CDHR3: variants seen among roughly 807,000 people sequenced by gnomAD.
The protein encoded by CDHR3 is cadherin-related family member 3.
Under a neutral mutation model 86.6 loss-of-function variants are expected in CDHR3, and 79 were observed. The ratio of observed to expected loss-of-function variants is 0.91; its 90% CI spans 0.76 to 1.10. CDHR3 has a LOEUF of 1.10. Among genes scored for constraint, CDHR3 ranks in the 50% least tolerant of loss-of-function variants. The pLI is 0.00. For synonymous variants in CDHR3, 421 were observed against 402.4 expected, an observed-to-expected ratio of 1.05 and a Z score of -0.55; for missense variants, 1,081 against 1,077.6, an observed-to-expected ratio of 1.00 and a Z score of -0.04.
chr7:105,974,709 G>A (rs562840777), intron 1 of CDHR3, 135 bp from the exon 2 acceptor site: 8 of 666,932 alleles, frequency 1.2e-5, no homozygotes, highest in East Asian at 2.7e-5. Context: ...TGGCAAGAGC[G>A]TTTGTTCTCG....
chr7:106,015,015 T>C (rs2115850786), intron 9 of CDHR3, 96 bp from the exon 10 acceptor site: 1 of 986,536 alleles, frequency 1.0e-6, no homozygotes, highest in East Asian at 2.7e-5. Flanking sequence ...GTTTTGCCAA[T>C]TTATATATCC....
At position 106,001,903 on chromosome 7, in the gene CDHR3, G is replaced by A. The variant is rs762540541; in HGVS notation, c.862+293G>A. 7.7e-4 allele frequency among the ~76,000 whole-genome samples: 117 copies of A among 152,270 alleles called. 1 individual carries two copies. Among genetic ancestry groups the A allele is most frequent in the Middle Eastern group, 3.4e-3 (1 of 294 alleles). On this transcript the variant is annotated intron_variant, in intron 7 of 18. Coordinates refer to ENST00000317716, the MANE Select transcript of CDHR3 (RefSeq NM_152750.5). The stretch of plus-strand genomic sequence containing the variant: ...TGACAAGAAAAAAATGTCTGTATAT[G>A]TTTAGTGCAAATGCAGCCAGCCATT...
At chr7:106,029,898 G>A (rs1274265963) in intron 17 of CDHR3, among the ~76,000 whole-genome samples, 5 of 152,180 alleles carry the variant, frequency 3.3e-5, no homozygotes, top group Non-Finnish European at 1.5e-5. Context: ...CTAGAACTAT[G>A]TAATATTAAA....
chr7:106,026,697 T>A lies in CDHR3; in HGVS notation c.2272+2T>A. On this transcript the variant is annotated splice_donor_variant, in intron 16 of 18. Transcript: ENST00000317716. LOFTEE classifies it high-confidence loss of function. ...CCCCCCATAGGACAAAGAAAGGAGG[T>A]ATGTACAGTACCTGTTTCCCTTGTC... 1.9e-6 allele frequency: 3 copies of A among 1,613,770 alleles called. No homozygotes were observed. The highest frequency in any genetic ancestry group is 2.5e-6 in the Non-Finnish European group (3 of 1,179,736).
intron 4 of CDHR3, among the ~76,000 whole-genome samples, chr7:105,989,212 ACCC>A (rs1459704889): frequency 9.6e-5 from 8 of 83,728 alleles, no homozygotes; most frequent in African/African-American, 4.1e-4. Flanking sequence ...TTCTTTGGGT[ACCC>A]ACCCCCCCAC....
At chr7:105,973,829 T>A (rs187014547) in intron 1 of CDHR3, among the ~76,000 whole-genome samples, 1 of 152,178 alleles carries the variant, frequency 6.6e-6, no homozygotes, top group African/African-American at 2.4e-5. Flanking sequence ...TAGCCAGGCA[T>A]GGTGGAGCAC....
At chr7:105,994,883 T>G in intron 5 of CDHR3, 38 bp downstream of exon 5, 1 of 1,509,646 alleles carries the variant, frequency 6.6e-7, no homozygotes, top group South Asian at 1.2e-5. Flanking sequence ...GTACTGTTTA[T>G]CTGAGGGTCA....
intron 8 of CDHR3, among the ~76,000 whole-genome samples, chr7:106,006,874 C>T (rs1262706572): frequency 6.6e-6 from 1 of 152,188 alleles, no homozygotes; most frequent in Non-Finnish European, 1.5e-5. Context: ...GTGGGGACTC[C>T]AATCTCACAT....
At chr7:106,024,686 G>C (rs1202482362) in intron 15 of CDHR3, 124 bp downstream of exon 15, 1 of 978,020 alleles carries the variant, frequency 1.0e-6, no homozygotes, top group Non-Finnish European at 1.5e-6. Context: ...TGGAGTGAAG[G>C]CAGGAAAAGG....
intron 17 of CDHR3, among the ~76,000 whole-genome samples, chr7:106,029,677 T>C (rs1283736179): frequency 6.6e-6 from 1 of 152,082 alleles, no homozygotes; most frequent in Non-Finnish European, 1.5e-5. Context: ...GGCTTTGTCA[T>C]GGTCCAAGCT....
At chr7:105,994,327 C>T (rs901215991) in intron 4 of CDHR3, among the ~76,000 whole-genome samples, 1 of 151,746 alleles carries the variant, frequency 6.6e-6, no homozygotes, top group Admixed American at 6.6e-5. Context: ...AGGTATAGTC[C>T]TATTACCTAG....
intron 5 of CDHR3, among the ~76,000 whole-genome samples, chr7:105,995,050 A>G (rs1476045073): frequency 6.6e-6 from 1 of 152,238 alleles, no homozygotes; most frequent in African/African-American, 2.4e-5. Flanking sequence ...TGGTCTCCAG[A>G]GAACAAGAAT....
intron 6 of CDHR3, among the ~76,000 whole-genome samples, chr7:106,000,793 C>G (rs1276776770): frequency 6.6e-6 from 1 of 151,360 alleles, no homozygotes; most frequent in Non-Finnish European, 1.5e-5. Context: ...GTGATGGGGC[C>G]TGGTCTTCTT....
At chr7:106,004,070 T>G (rs1323949728) in intron 7 of CDHR3, among the ~76,000 whole-genome samples, 1 of 133,764 alleles carries the variant, frequency 7.5e-6, no homozygotes, top group Non-Finnish European at 1.6e-5. Context: ...CTTAAGAAAA[T>G]GTAAAAAGAT....
chr7:105,965,567 A>C (rs79607111), intron 1 of CDHR3, among the ~76,000 whole-genome samples: 9,279 of 76,968 alleles, frequency 0.12, 745 homozygotes, highest in Non-Finnish European at 0.18. Context: ...CTCAAGCCCC[A>C]CCCCCCCCCA....
At chr7:106,005,413 C>T (rs1351149476) in intron 8 of CDHR3, among the ~76,000 whole-genome samples, 1 of 152,262 alleles carries the variant, frequency 6.6e-6, no homozygotes. Flanking sequence ...TAGTACTTGC[C>T]CATATTAGCC....
Position 106,018,072 on chromosome 7 carries a change from T to C in CDHR3, c.1653T>C (p.Thr551=), listed in dbSNP as rs750412302. 5 of 1,612,704 alleles carry C rather than the reference T, an allele frequency of 3.1e-6. No homozygotes were observed. The South Asian group carries it at 4.4e-5, about 14-fold the overall frequency. ...ACAACGAAGACACAAGCTCTGTCAC[T>C]GTGAGTGGTGCTGCTTGGTATAGTG... ...ATNNEDTSSV[T]VTVNILEEND... is the part of the protein sequence containing the mutation. The change falls in exon 12 of 19, where the codon ACT becomes ACC. Residue 551 remains threonine (T), a splice_region_variant and synonymous_variant. Transcript: ENST00000317716.
chr7:105,963,890 C>G (rs927678853), intron 1 of CDHR3, among the ~76,000 whole-genome samples: 8 of 152,086 alleles, frequency 5.3e-5, no homozygotes, highest in Admixed American at 5.2e-4. Context: ...TCAAGGGCAT[C>G]AAGAATCTTA....
chr7:105,974,592 A>T (rs1486053792), intron 1 of CDHR3, among the ~76,000 whole-genome samples: 1 of 152,178 alleles, frequency 6.6e-6, no homozygotes, highest in East Asian at 1.9e-4. Context: ...GAGACAAGAG[A>T]AAAGCAGCAG....
Sources: allele counts gnomAD v4.1 joint callset (sites outside exome capture counted in the v4.1 genomes callset), GRCh38; gene constraint gnomAD v4.1.1; transcripts MANE v1.5; gene names NCBI Gene and HGNC (gene_info 2026-07-23, HGNC 2026-07-21).